The following CSMD3 variants were observed in gnomAD, a reference collection of about 807,000 sequenced individuals.
The protein encoded by CSMD3 is CUB and sushi domain-containing protein 3.
In CSMD3, 177 loss-of-function variants were observed where a neutral mutation model predicts 435.2. That is an observed-to-expected ratio of 0.41 (90% confidence interval 0.36 to 0.46). The LOEUF (loss-of-function observed/expected upper bound fraction) is 0.46. Ranked by LOEUF, CSMD3 falls within the 20% of genes least tolerant of loss-of-function variation. The pLI, the probability that CSMD3 is intolerant of heterozygous loss-of-function variation, is 0.34. For missense variants in CSMD3, 4,265 were observed against 4,504.6 expected, an observed-to-expected ratio of 0.95 and a Z score of 1.52; for synonymous variants, 1,656 against 1,520.5, an observed-to-expected ratio of 1.09 and a Z score of -2.07.
chr8:112,384,242 C>T (rs1829739665), intron 36 of CSMD3, among the ~76,000 whole-genome samples: 1 of 151,738 alleles, frequency 6.6e-6, no homozygotes, highest in African/African-American at 2.4e-5. Flanking sequence ...ATGGATGACA[C>T]AAAAAAATGA....
At chr8:112,235,991 T>C (rs1056840918) in intron 67 of CSMD3, among the ~76,000 whole-genome samples, 3 of 151,920 alleles carry the variant, frequency 2.0e-5, no homozygotes, top group South Asian at 4.1e-4. Context: ...AAAGCATTAG[T>C]CACAATTTAA....
intron 3 of CSMD3, among the ~76,000 whole-genome samples, chr8:113,240,018 C>T (rs62519850): frequency 0.24 from 36,227 of 151,922 alleles, 5,728 homozygotes; most frequent in East Asian, 0.7. Flanking sequence ...CCTCCACCCC[C>T]GATAGGCCCC....
At chr8:112,602,695 GTATGT>G (rs978301478) in intron 22 of CSMD3, among the ~76,000 whole-genome samples, 14 of 151,456 alleles carry the variant, frequency 9.2e-5, no homozygotes, top group African/African-American at 3.4e-4. Flanking sequence ...TATATATTTA[GTATGT>G]TATATGTATT....
intron 4 of CSMD3, among the ~76,000 whole-genome samples, chr8:113,163,975 C>A (rs960058508): frequency 1.3e-5 from 2 of 151,928 alleles, no homozygotes; most frequent in African/African-American, 4.8e-5. Context: ...GCCTTCTTTG[C>A]GTTGTTTAGC....
At chr8:112,871,952 T>C (rs1369500043) in intron 10 of CSMD3, among the ~76,000 whole-genome samples, 1 of 152,086 alleles carries the variant, frequency 6.6e-6, no homozygotes, top group Non-Finnish European at 1.5e-5. Flanking sequence ...ATTCATTTTA[T>C]TCTTATTTTC....
intron 7 of CSMD3, among the ~76,000 whole-genome samples, chr8:112,965,171 C>G (rs1281794781): frequency 1.3e-5 from 2 of 151,860 alleles, no homozygotes; most frequent in African/African-American, 4.8e-5. Flanking sequence ...AAGTCTAGCC[C>G]CATCAAAATA....
At chr8:112,588,374 C>T (rs948989885) in intron 22 of CSMD3, among the ~76,000 whole-genome samples, 1 of 151,118 alleles carries the variant, frequency 6.6e-6, no homozygotes, top group African/African-American at 2.4e-5. Context: ...AGTATAATAT[C>T]AACATTGTGT....
At chr8:112,228,732 G>A in intron 70 of CSMD3, 24 bp downstream of exon 70, 2 of 1,589,316 alleles carry the variant, frequency 1.3e-6, no homozygotes, top group Non-Finnish European at 8.6e-7. Flanking sequence ...GAAACATTTT[G>A]TAGTTAAAAA....
chr8:112,383,580 A>C lies in CSMD3; in HGVS notation c.6018T>G (p.Leu2006=). The C allele has an allele frequency of 6.4e-7, 1 of 1,570,978 alleles. No individual in the cohort carries two copies. The highest frequency in any genetic ancestry group is 1.3e-5 in the African/African-American group (1 of 74,150). ...TCTCTTATTTACCTGAATAGCTTCC[A>C]AGTCTTGGAGCATTGTTGTCTCCCC... is the stretch of plus-strand genomic sequence containing the variant. The part of the protein sequence containing the change: ...YDGGDNNAPR[L]GSYSGTTIPH... The change falls in exon 37 of 71, where the codon CTT becomes CTG. Residue 2006 remains leucine, a synonymous_variant. Coordinates refer to ENST00000297405, the MANE Select transcript of CSMD3 (RefSeq NM_198123.2).
At chr8:112,774,621 G>A (rs2078202201) in intron 13 of CSMD3, among the ~76,000 whole-genome samples, 1 of 151,940 alleles carries the variant, frequency 6.6e-6, no homozygotes, top group Non-Finnish European at 1.5e-5. Context: ...GAAGAAAGCT[G>A]TATGTTATCT....
chr8:113,120,310 C>T (rs2090951102), intron 4 of CSMD3, among the ~76,000 whole-genome samples: 1 of 151,984 alleles, frequency 6.6e-6, no homozygotes, highest in Non-Finnish European at 1.5e-5. Flanking sequence ...GTAATCCTCC[C>T]ATTTGCATCA....
At chr8:112,429,504 A>G (rs1271589515) in intron 32 of CSMD3, among the ~76,000 whole-genome samples, 1 of 152,038 alleles carries the variant, frequency 6.6e-6, no homozygotes, top group Non-Finnish European at 1.5e-5. Context: ...AAATATCAAA[A>G]CATAGACATA....
At chr8:113,361,017 GA>G (rs910430948) in intron 1 of CSMD3, among the ~76,000 whole-genome samples, 10 of 151,616 alleles carry the variant, frequency 6.6e-5, no homozygotes, top group African/African-American at 1.9e-4. Flanking sequence ...GTTTTAAGCA[GA>G]AAAAAAAGGA....
chr8:112,547,900 G>C (rs1318698965), intron 27 of CSMD3, among the ~76,000 whole-genome samples: 1 of 152,086 alleles, frequency 6.6e-6, no homozygotes, highest in Admixed American at 6.6e-5. Context: ...GACTCTCCTA[G>C]GATGAATGAG....
chr8:112,405,044 G>A (rs28661390), intron 35 of CSMD3, among the ~76,000 whole-genome samples: 36,414 of 149,414 alleles, frequency 0.24, 4,646 homozygotes, highest in East Asian at 0.44. Flanking sequence ...AAAATTAGCT[G>A]GGCATGGTAG....
intron 4 of CSMD3, among the ~76,000 whole-genome samples, chr8:113,112,832 A>C (rs1163968088): frequency 6.6e-6 from 1 of 152,104 alleles, no homozygotes; most frequent in Non-Finnish European, 1.5e-5. Context: ...CCAATGCTAA[A>C]AACAGTCCTC....
chr8:112,803,356 C>T (rs1369401080), intron 12 of CSMD3, among the ~76,000 whole-genome samples: 5 of 152,166 alleles, frequency 3.3e-5, no homozygotes, highest in Non-Finnish European at 5.9e-5. Context: ...AAGGCCACAA[C>T]TTCTTTCGCT....
In CSMD3 at chr8:112,243,986, A is replaced by C. The variant is rs187381897; in HGVS notation, c.10402+408T>G. 2.6e-4 allele frequency among the ~76,000 whole-genome samples: 39 copies of C among 152,268 alleles called. No individual in the cohort carries two copies. The South Asian group carries it at 5.6e-3, about 22-fold the overall frequency. ...GCTATGAGAAGATAGGAAGAGGCAA[A>C]GAATGGTTTCTGCTTAGAGCTTACA... On this transcript the variant is annotated intron_variant, in intron 65 of 70. Transcript: ENST00000297405.
At chr8:113,138,972 T>C (rs1273920895) in intron 4 of CSMD3, among the ~76,000 whole-genome samples, 1 of 151,074 alleles carries the variant, frequency 6.6e-6, no homozygotes, top group South Asian at 2.1e-4. Context: ...ACATTTGAAA[T>C]ATCATTAAAC....
Sources: allele counts gnomAD v4.1 joint callset (sites outside exome capture counted in the v4.1 genomes callset), GRCh38; gene constraint gnomAD v4.1.1; transcripts MANE v1.5; gene names NCBI Gene and HGNC (gene_info 2026-07-23, HGNC 2026-07-21).